Variants in AKAP9 observed in about 807,000 individuals in gnomAD.
The protein encoded by AKAP9 is A-kinase anchor protein 9.
A neutral mutation model predicts 488.5 loss-of-function variants in AKAP9; 311 were observed. The ratio of observed to expected loss-of-function variants is 0.64; its 90% CI spans 0.58 to 0.70. AKAP9 has a LOEUF of 0.70. AKAP9 is among the 30% of genes least tolerant of loss of function. The probability of loss-of-function intolerance (pLI) is 0.00; values close to 1 mark genes in which losing one functional copy is unlikely to be tolerated. For synonymous variants in AKAP9, 1,462 were observed against 1,483.5 expected (o/e 0.99, Z 0.33); for missense variants, 4,215 against 4,374.5 (o/e 0.96, Z 1.03).
Position 92,107,440 on chromosome 7 carries a change from C to G in AKAP9, c.11546+18C>G, listed in dbSNP as rs989297255. On this transcript the variant is annotated intron_variant, in intron 48 of 49. Coordinates refer to ENST00000356239, the MANE Select transcript of AKAP9 (RefSeq NM_005751.5). ...CAGAATAGGTAAGAATATGAGAAAA[C>G]CTGCCTGGAATTGTTAAATGTATTA... The G allele has an allele frequency of 1.2e-6, 2 of 1,611,146 alleles. No homozygotes were observed. The highest frequency in any genetic ancestry group is 1.1e-5 in the South Asian group (1 of 91,018).
At chr7:92,016,902 G>A (rs909562457) in intron 11 of AKAP9, 115 bp from the exon 12 acceptor site, 30 of 730,674 alleles carry the variant, frequency 4.1e-5, no homozygotes, top group Non-Finnish European at 5.3e-5. Context: ...AAATATCTGA[G>A]GTTTACTTCT....
chr7:92,078,119 C>T (rs1208873805), intron 30 of AKAP9, among the ~76,000 whole-genome samples: 1 of 152,044 alleles, frequency 6.6e-6, no homozygotes, highest in African/African-American at 2.4e-5. Flanking sequence ...GCCTCAGCCT[C>T]CCGAGTAGCT....
In AKAP9 at chr7:91,941,080, C is replaced by G. The variant is rs1790683985; in HGVS notation, c.-20C>G. The G allele has an allele frequency of 6.2e-7, 1 of 1,612,954 alleles. No homozygotes were observed. The stretch of plus-strand genomic sequence containing the variant: ...ACCACCCCTCAACCCCTGTTTTCCC[C>G]TGCCTTCCTTGCAGAGGCCATGGAG... On this transcript the variant is annotated 5_prime_UTR_variant, in exon 1 of 50. Transcript: ENST00000356239.
intron 9 of AKAP9, among the ~76,000 whole-genome samples, chr7:92,013,873 ATTTTT>A (rs1801134160): frequency 1.3e-5 from 2 of 149,682 alleles, no homozygotes; most frequent in Non-Finnish European, 1.5e-5. Flanking sequence ...AATGATCAAC[ATTTTT>A]AAAAAAAAAA....
intron 1 of AKAP9, among the ~76,000 whole-genome samples, chr7:91,965,189 C>T (rs1290862983): frequency 6.6e-6 from 1 of 152,148 alleles, no homozygotes; most frequent in Non-Finnish European, 1.5e-5. Context: ...TCTTCATCTT[C>T]TCCACCTTCC....
intron 2 of AKAP9, among the ~76,000 whole-genome samples, chr7:91,975,759 T>C (rs1318133611): frequency 6.6e-6 from 1 of 152,098 alleles, no homozygotes; most frequent in East Asian, 1.9e-4. Context: ...TTATATTAGC[T>C]GTTTTTGTTT....
chr7:91,986,209 C>T (rs1047598649), intron 3 of AKAP9, among the ~76,000 whole-genome samples: 4 of 152,174 alleles, frequency 2.6e-5, no homozygotes, highest in East Asian at 1.9e-4. Context: ...GAGCCAGGCA[C>T]GGGAGAGAAT....
chr7:91,975,806 T>C (rs1221150019), intron 2 of AKAP9, among the ~76,000 whole-genome samples: 1 of 152,086 alleles, frequency 6.6e-6, no homozygotes, highest in Non-Finnish European at 1.5e-5. Flanking sequence ...CTTTATCAGA[T>C]TGAGGAGGTT....
chr7:92,023,429 A>T (rs982172829), intron 14 of AKAP9, among the ~76,000 whole-genome samples: 8 of 152,162 alleles, frequency 5.3e-5, no homozygotes, highest in African/African-American at 1.2e-4. Flanking sequence ...ACCACGTCCA[A>T]AGTAGAACTC....
rs537577038 is a variant in AKAP9, at chr7:92,045,272, A to G, written c.5368+59A>G. The G allele has an allele frequency of 8.3e-5, 125 of 1,512,740 alleles. No homozygotes were observed. The African/African-American group carries it at 1.6e-3, about 19-fold the overall frequency. The allele number at this position is 1,512,740 out of a possible 1,614,324, so 93.7% of individuals were successfully genotyped here. A position where few individuals can be genotyped will look rare whatever the true frequency, so the allele number is the denominator to read the frequency against. On this transcript the variant is annotated intron_variant, in intron 21 of 49. Coordinates refer to ENST00000356239, the MANE Select transcript of AKAP9 (RefSeq NM_005751.5). The stretch of plus-strand genomic sequence containing the variant: ...TCAACAAATCTGCTGAGTTCAAGGC[A>G]TTTTGCCATGTGTTGAAAATATAGA...
rs1181749353 is a variant in AKAP9 at position 92,086,406 on chromosome 7, T to C, written c.9203T>C (p.Ile3068Thr). The change falls in exon 37 of 50, where the codon ATA becomes ACA. Residue 3068 changes from isoleucine to threonine, a missense_variant. Physicochemically the swap from Ile to Thr is moderately conservative, Grantham distance 89. This residue lies in a region of AKAP9 where 1,476 missense variants were observed against 1,477.4 expected (regional missense o/e 1.00). Coordinates refer to ENST00000356239, the MANE Select transcript of AKAP9 (RefSeq NM_005751.5). ...VGLLNCLEQR[I>T]QEQGVEYQAA... ...TTACTAAACTGTTTGGAACAGAGAA[T>C]ACAAGAACAGGTATAATGAAACTTC... 2 of 1,612,952 alleles carry C rather than the reference T, an allele frequency of 1.2e-6. No individual in the cohort carries two copies. The highest frequency in any genetic ancestry group is 3.3e-5 in the Admixed American group (2 of 60,006).
Position 92,053,550 on chromosome 7 carries a change from C to G in AKAP9, c.5601+592C>G, listed in dbSNP as rs568802346. ...AAACATTCATTTCCCCAGGCCAAGA[C>G]CACAGCTCATAGCAGCTGTCTGCTT... On this transcript the variant is annotated intron_variant, in intron 22 of 49. Transcript: ENST00000356239. 2.6e-5 allele frequency among the ~76,000 whole-genome samples: 4 copies of G among 152,276 alleles called. No individual in the cohort carries two copies. The South Asian group carries it at 8.3e-4, about 32-fold the overall frequency.
intron 8 of AKAP9, among the ~76,000 whole-genome samples, chr7:92,007,296 T>C (rs1488086028): frequency 1.5e-5 from 2 of 136,770 alleles, no homozygotes; most frequent in Non-Finnish European, 3.2e-5. Flanking sequence ...TTTTTTTTTT[T>C]TTTTTTTTTT....
intron 11 of AKAP9, among the ~76,000 whole-genome samples, 155 bp from the exon 12 acceptor site, chr7:92,016,862 A>G (rs1335015073): frequency 3.3e-5 from 5 of 152,142 alleles, no homozygotes; most frequent in Non-Finnish European, 7.4e-5. Context: ...CAGGCATTTC[A>G]CATGAATGAG....
intron 28 of AKAP9, 68 bp downstream of exon 28, chr7:92,071,077 T>A (rs770979125): frequency 2.4e-5 from 33 of 1,380,562 alleles, no homozygotes; most frequent in Non-Finnish European, 3.2e-5. Context: ...CTTGAAAATA[T>A]TATTTGAACT....
intron 39 of AKAP9, among the ~76,000 whole-genome samples, 179 bp from the exon 40 acceptor site, chr7:92,094,844 C>CA (rs1215675987): frequency 5.3e-5 from 8 of 151,666 alleles, no homozygotes; most frequent in African/African-American, 1.2e-4. Flanking sequence ...AACAAAACAA[C>CA]AAAAAAAAGA....
At position 92,097,318 on chromosome 7, in the gene AKAP9, A is replaced by G; in HGVS notation, c.10359A>G (p.Lys3453=). 6.2e-7 allele frequency: 1 copy of G among 1,613,756 alleles called. No individual in the cohort carries two copies. Among genetic ancestry groups the G allele is most frequent in the Non-Finnish European group, 8.5e-7 (1 of 1,179,952 alleles). The change falls in exon 41 of 50, where the codon AAA becomes AAG. Residue 3453 remains lysine, a synonymous_variant. Transcript: ENST00000356239. ...FQKQELEREE[K]RESRRILYQN... Reference sequence around the variant, plus strand: ...AGCAAGAACTAGAACGAGAAGAAAAACGAGAAAGTAGAAGAATTCTGTATC... The same window carrying G: ...AGCAAGAACTAGAACGAGAAGAAAAGCGAGAAAGTAGAAGAATTCTGTATC...
intron 22 of AKAP9, among the ~76,000 whole-genome samples, chr7:92,054,001 A>G (rs899180033): frequency 1.3e-5 from 2 of 152,206 alleles, no homozygotes; most frequent in African/African-American, 2.4e-5. Flanking sequence ...TCTTTTATAT[A>G]AAATGTTAAA....
intron 8 of AKAP9, among the ~76,000 whole-genome samples, chr7:92,007,560 G>A (rs1800081266): frequency 6.6e-6 from 1 of 152,090 alleles, no homozygotes; most frequent in Non-Finnish European, 1.5e-5. Flanking sequence ...TTTAATGAAG[G>A]ATAGGAGGCT....
Sources: allele counts gnomAD v4.1 joint callset (sites outside exome capture counted in the v4.1 genomes callset), GRCh38; gene constraint gnomAD v4.1.1; regional missense constraint gnomAD v4.1.1; transcripts MANE v1.5; gene names NCBI Gene and HGNC (gene_info 2026-07-23, HGNC 2026-07-21).